SLC35F4: variants seen among roughly 807,000 people sequenced by gnomAD.
The protein encoded by SLC35F4 is chromosome 14 open reading frame 36.
SLC35F4 carries 24 observed loss-of-function variants against 44.2 expected under a neutral mutation model. The ratio of observed to expected loss-of-function variants is 0.54; its 90% CI spans 0.39 to 0.76. The LOEUF (loss-of-function observed/expected upper bound fraction) is 0.76. Among genes scored for constraint, SLC35F4 ranks in the 30% least tolerant of loss-of-function variants. SLC35F4 has a pLI of 0.00. For missense variants in SLC35F4, 562 were observed against 586.1 expected (o/e 0.96, Z 0.42); for synonymous variants, 238 against 223.6 (o/e 1.06, Z -0.57).
At chr14:57,733,545 C>A (rs1185046781) in intron 1 of SLC35F4, among the ~76,000 whole-genome samples, 1 of 148,176 alleles carries the variant, frequency 6.7e-6, no homozygotes, top group Admixed American at 6.7e-5. Context: ...AAAATGTATA[C>A]GTTAATTGAA....
At chr14:57,616,409 C>T (rs1399441553) in intron 1 of SLC35F4, among the ~76,000 whole-genome samples, 2 of 152,210 alleles carry the variant, frequency 1.3e-5, no homozygotes, top group African/African-American at 4.8e-5. Context: ...TAACTGCCCC[C>T]TTGGGTTACA....
chr14:57,596,923 A>G (rs2070527264), intron 1 of SLC35F4: 1 of 1,349,576 alleles, frequency 7.4e-7, no homozygotes, highest in Non-Finnish European at 9.9e-7. Flanking sequence ...CACTGTCTTA[A>G]ACAATACAAA....
At chr14:57,945,162 C>T (rs1348047760) in intron 1 of SLC35F4, among the ~76,000 whole-genome samples, 1 of 152,092 alleles carries the variant, frequency 6.6e-6, no homozygotes, top group African/African-American at 2.4e-5. Context: ...TTTTAAAGAG[C>T]CTCTCTGTTT....
intron 1 of SLC35F4, among the ~76,000 whole-genome samples, chr14:57,846,334 T>C (rs1042941884): frequency 1.3e-5 from 2 of 152,162 alleles, no homozygotes; most frequent in Non-Finnish European, 2.9e-5. Flanking sequence ...TGGGATTCCT[T>C]CCACAAGGAT....
chr14:57,586,919 A>G (rs1465272318), intron 3 of SLC35F4, among the ~76,000 whole-genome samples: 1 of 151,364 alleles, frequency 6.6e-6, no homozygotes, highest in Non-Finnish European at 1.5e-5. Context: ...CAAAGGGCTA[A>G]TAGCCAGAAT....
chr14:57,900,872 A>G (rs1888985449), intron 1 of SLC35F4, among the ~76,000 whole-genome samples: 1 of 152,234 alleles, frequency 6.6e-6, no homozygotes, highest in Admixed American at 6.5e-5. Context: ...ACGAACAGAC[A>G]CTTCTCAAAA....
At chr14:57,822,118 A>G (rs1024747049) in intron 1 of SLC35F4, among the ~76,000 whole-genome samples, 7 of 152,180 alleles carry the variant, frequency 4.6e-5, no homozygotes, top group Admixed American at 2.6e-4. Flanking sequence ...GGCTATGCTG[A>G]TGCTTCTCTG....
intron 1 of SLC35F4, among the ~76,000 whole-genome samples, chr14:57,792,780 G>T (rs1203984971): frequency 6.6e-6 from 1 of 152,088 alleles, no homozygotes; most frequent in Non-Finnish European, 1.5e-5. Flanking sequence ...CAAGGGGAAA[G>T]GTGGGAGGGG....
intron 1 of SLC35F4, among the ~76,000 whole-genome samples, chr14:57,830,400 T>A (rs1427120796): frequency 1.3e-5 from 2 of 152,182 alleles, no homozygotes; most frequent in Non-Finnish European, 2.9e-5. Flanking sequence ...TTTATTTGGA[T>A]CTCCCTAGCT....
intron 1 of SLC35F4, among the ~76,000 whole-genome samples, chr14:57,646,140 A>G (rs1034517679): frequency 6.6e-6 from 1 of 152,166 alleles, no homozygotes; most frequent in African/African-American, 2.4e-5. Flanking sequence ...GGCCTCATAA[A>G]ATGAGTTAGG....
At chr14:57,833,313 T>G (rs1884572798) in intron 1 of SLC35F4, among the ~76,000 whole-genome samples, 1 of 152,234 alleles carries the variant, frequency 6.6e-6, no homozygotes, top group Non-Finnish European at 1.5e-5. Context: ...AAGGACCATC[T>G]CTGCTAGATA....
At chr14:57,758,001 A>ATGTGTG (rs34860997) in intron 1 of SLC35F4, among the ~76,000 whole-genome samples, 5,487 of 128,878 alleles carry the variant, frequency 0.043, 130 homozygotes, top group South Asian at 0.086. Context: ...TTATAGGTTC[A>ATGTGTG]TGTGTGTGTG....
chr14:57,856,213 C>T (rs1449094697), intron 1 of SLC35F4, among the ~76,000 whole-genome samples: 1 of 151,932 alleles, frequency 6.6e-6, no homozygotes, highest in Non-Finnish European at 1.5e-5. Context: ...GGAGAAATAC[C>T]TAATGTAGGT....
At chr14:57,785,087 A>T (rs972787567) in intron 1 of SLC35F4, among the ~76,000 whole-genome samples, 1 of 152,244 alleles carries the variant, frequency 6.6e-6, no homozygotes, top group African/African-American at 2.4e-5. Flanking sequence ...AGTTGTGAAG[A>T]AGTCAAAAGT....
At chr14:57,690,062 C>A (rs1004251541) in intron 1 of SLC35F4, among the ~76,000 whole-genome samples, 1 of 152,134 alleles carries the variant, frequency 6.6e-6, no homozygotes, top group African/African-American at 2.4e-5. Flanking sequence ...TTCATACTTT[C>A]ATCTCTACTT....
At chr14:57,692,249 G>A (rs2075256937) in intron 1 of SLC35F4, among the ~76,000 whole-genome samples, 2 of 152,134 alleles carry the variant, frequency 1.3e-5, no homozygotes, top group African/African-American at 4.8e-5. Flanking sequence ...CAGCTCATTT[G>A]TGGTAAATCC....
intron 1 of SLC35F4, among the ~76,000 whole-genome samples, chr14:57,666,822 C>A (rs1464525570): frequency 6.6e-6 from 1 of 151,872 alleles, no homozygotes; most frequent in East Asian, 1.9e-4. Context: ...TTGTGGGGAC[C>A]TAGTAGGCAT....
rs1017797534 is a variant in SLC35F4, at chr14:57,865,763, G to C, written c.63C>G (p.Thr21=). The change falls in exon 1 of 8, where the codon ACC becomes ACG. Residue 21 remains threonine (T), a synonymous_variant. Coordinates refer to ENST00000556826, the MANE Select transcript of SLC35F4 (RefSeq NM_001306087.2). Reference sequence around the variant, plus strand: ...AACCTGGATAATAGCCATAGTAGCCGGTGATCCGCAGGATCCGGTCCTCGA... The same window carrying C: ...AACCTGGATAATAGCCATAGTAGCCCGTGATCCGCAGGATCCGGTCCTCGA... ...ATIEDRILRI[T]GYYGYYPGYS... The C allele has an allele frequency of 6.6e-7, 1 of 1,523,840 alleles. No homozygotes were observed. The highest frequency in any genetic ancestry group is 1.2e-5 in the South Asian group (1 of 81,872). The allele number at this position is 1,523,840 out of a possible 1,614,324, so 94.4% of individuals were successfully genotyped here.
At position 57,746,234 on chromosome 14, in the gene SLC35F4, T is replaced by TA. The variant is rs543465122; in HGVS notation, c.103+119488dup. Among the ~76,000 whole-genome samples, 181 of 148,688 alleles carry TA rather than the reference T, an allele frequency of 1.2e-3. 1 individual carries two copies. Among genetic ancestry groups the TA allele is most frequent in the South Asian group, 2.6e-3 (12 of 4,674 alleles). On this transcript the variant is annotated intron_variant, in intron 1 of 7. Transcript: ENST00000556826. ...GGTACCCCAGAGCTTAAAGTATAAT[T>TA]AAAAAAAAAAGAAAGTACTCAATGA...
Sources: allele counts gnomAD v4.1 joint callset (sites outside exome capture counted in the v4.1 genomes callset), GRCh38; gene constraint gnomAD v4.1.1; transcripts MANE v1.5; gene names NCBI Gene and HGNC (gene_info 2026-07-23, HGNC 2026-07-21).